The following GABRG3 variants were observed in gnomAD, a reference collection of about 807,000 sequenced individuals.
GABRG3 encodes the protein gamma-aminobutyric acid type A receptor subunit gamma3.
Under a neutral mutation model 48.8 loss-of-function variants are expected in GABRG3, and 25 were observed. The ratio of observed to expected loss-of-function variants is 0.51; its 90% CI spans 0.37 to 0.72. The LOEUF is 0.72. Ranked by LOEUF, GABRG3 falls within the 30% of genes least tolerant of loss-of-function variation. The pLI is 0.00. For synonymous variants in GABRG3, 227 were observed against 217.6 expected (o/e 1.04, Z -0.38); for missense variants, 394 against 577.9 (o/e 0.68, Z 3.26).
chr15:26,971,480 G>A lies in GABRG3; in HGVS notation c.-56G>A, dbSNP rs1330065250. 2 of 1,422,138 alleles carry A rather than the reference G, an allele frequency of 1.4e-6. No homozygotes were observed. Among genetic ancestry groups the A allele is most frequent in the Non-Finnish European group, 1.9e-6 (2 of 1,072,108 alleles). The allele number at this position is 1,422,138 out of a possible 1,614,324, so 88.1% of individuals were successfully genotyped here. A position where few individuals can be genotyped will look rare whatever the true frequency, so the allele number is the denominator to read the frequency against. On this transcript the variant is annotated 5_prime_UTR_variant, in exon 1 of 10. Transcript: ENST00000615808. The stretch of plus-strand genomic sequence containing the variant: ...GCCGGCGGAGACCAGGTCCGCGCCG[G>A]AGGAAGCCGCGCCCGGCCGAGGCCC...
At chr15:27,190,936 G>C (rs139914655) in intron 3 of GABRG3, among the ~76,000 whole-genome samples, 2 of 152,008 alleles carry the variant, frequency 1.3e-5, no homozygotes, top group Non-Finnish European at 2.9e-5. Flanking sequence ...GCTTGTTCTC[G>C]TTGGTTTCAA....
chr15:27,263,196 T>G (rs1360283085), intron 3 of GABRG3, among the ~76,000 whole-genome samples: 1 of 152,208 alleles, frequency 6.6e-6, no homozygotes, highest in African/African-American at 2.4e-5. Flanking sequence ...CCACTAGGGC[T>G]TATACGGAGA....
chr15:27,049,086 G>A (rs1896412341), intron 3 of GABRG3, among the ~76,000 whole-genome samples: 1 of 152,256 alleles, frequency 6.6e-6, no homozygotes, highest in Non-Finnish European at 1.5e-5. Context: ...GAAGTGCTGA[G>A]CTGCCTTTGG....
At chr15:27,269,868 C>G (rs1470607357) in intron 3 of GABRG3, among the ~76,000 whole-genome samples, 1 of 152,100 alleles carries the variant, frequency 6.6e-6, no homozygotes, top group Non-Finnish European at 1.5e-5. Context: ...ATCTACATGT[C>G]TGTTACAAAT....
At chr15:27,032,397 G>C (rs1007952911) in intron 3 of GABRG3, among the ~76,000 whole-genome samples, 1 of 152,082 alleles carries the variant, frequency 6.6e-6, no homozygotes, top group African/African-American at 2.4e-5. Context: ...TTGTATTGCT[G>C]TAAAGGAATA....
At position 27,002,920 on chromosome 15, in the gene GABRG3, G is replaced by C. The variant is rs191333418; in HGVS notation, c.203-23834G>C. ...TTTGAGGTTACAGTGAGCTACGATT[G>C]CATCACTGTATTCCAGCCTGGGTAA... On this transcript the variant is annotated intron_variant, in intron 2 of 9. Transcript: ENST00000615808. Among the ~76,000 whole-genome samples, 3 of 151,948 alleles carry C rather than the reference G, an allele frequency of 2.0e-5. No homozygotes were observed. The East Asian group carries it at 5.8e-4, about 29-fold the overall frequency.
intron 5 of GABRG3, among the ~76,000 whole-genome samples, chr15:27,346,511 ATTATTT>A (rs1894379847): frequency 1.3e-5 from 2 of 152,066 alleles, no homozygotes; most frequent in Admixed American, 6.5e-5. Flanking sequence ...GTTCTTGGCC[ATTATTT>A]TTATACTTCA....
At chr15:27,430,458 T>TAA (rs1888416503) in intron 5 of GABRG3, among the ~76,000 whole-genome samples, 1 of 152,218 alleles carries the variant, frequency 6.6e-6, no homozygotes, top group Non-Finnish European at 1.5e-5. Context: ...GTGTATTATC[T>TAA]AAAATTCCAT....
At chr15:27,199,640 C>T (rs377007822) in intron 3 of GABRG3, among the ~76,000 whole-genome samples, 3 of 152,208 alleles carry the variant, frequency 2.0e-5, no homozygotes, top group South Asian at 4.1e-4. Flanking sequence ...TGCTCCCTCT[C>T]GCCAGCTGAT....
intron 5 of GABRG3, among the ~76,000 whole-genome samples, chr15:27,366,580 G>C (rs1436974998): frequency 6.6e-6 from 1 of 152,066 alleles, no homozygotes; most frequent in Non-Finnish European, 1.5e-5. Flanking sequence ...GCCCTGTTCT[G>C]CTGGCTAACA....
intron 3 of GABRG3, among the ~76,000 whole-genome samples, chr15:27,250,111 C>T (rs1890407662): frequency 6.6e-6 from 1 of 152,112 alleles, no homozygotes; most frequent in African/African-American, 2.4e-5. Flanking sequence ...ACCAGGTGCT[C>T]TGTCGCCTCT....
intron 3 of GABRG3, among the ~76,000 whole-genome samples, chr15:27,307,933 G>C (rs149538817): frequency 8.1e-6 from 1 of 123,886 alleles, no homozygotes. Context: ...ACATATGCTT[G>C]TATATAAACA....
chr15:26,996,904 G>A (rs1209520749), intron 2 of GABRG3, among the ~76,000 whole-genome samples: 1 of 151,804 alleles, frequency 6.6e-6, no homozygotes, highest in Non-Finnish European at 1.5e-5. Flanking sequence ...AGCCCTCCTC[G>A]GCCTCCCAAA....
intron 3 of GABRG3, among the ~76,000 whole-genome samples, chr15:27,251,310 C>A (rs1489625863): frequency 2.0e-5 from 3 of 152,110 alleles, no homozygotes; most frequent in Non-Finnish European, 4.4e-5. Flanking sequence ...AGATCCCAAG[C>A]AACAGACACC....
chr15:27,006,178 GTT>G (rs11309210), intron 2 of GABRG3, among the ~76,000 whole-genome samples: 5 of 150,284 alleles, frequency 3.3e-5, no homozygotes, highest in African/African-American at 1.2e-4. Context: ...TACATTCCTA[GTT>G]TTTTTTTTGT....
intron 7 of GABRG3, among the ~76,000 whole-genome samples, chr15:27,521,039 G>A (rs535617258): frequency 7.2e-5 from 11 of 151,920 alleles, no homozygotes; most frequent in Admixed American, 1.3e-4. Flanking sequence ...CACAGATTTC[G>A]TGACTAACCC....
At chr15:27,122,794 G>A (rs900740753) in intron 3 of GABRG3, among the ~76,000 whole-genome samples, 2 of 152,184 alleles carry the variant, frequency 1.3e-5, no homozygotes, top group Non-Finnish European at 2.9e-5. Context: ...ATTAGGTGAC[G>A]ATTGCACTTG....
chr15:27,300,902 G>A (rs1892182350), intron 3 of GABRG3, among the ~76,000 whole-genome samples: 1 of 151,714 alleles, frequency 6.6e-6, no homozygotes, highest in Admixed American at 6.6e-5. Flanking sequence ...GGGAGATGGA[G>A]GTTGCGGTAA....
chr15:27,174,916 C>T (rs186641448), intron 3 of GABRG3, among the ~76,000 whole-genome samples: 189 of 152,264 alleles, frequency 1.2e-3, no homozygotes, highest in Admixed American at 7.1e-3. Flanking sequence ...CATCTGACAC[C>T]TTGGGCATCG....
Sources: gnomAD v4.1 joint callset for allele counts (sites outside exome capture counted in the v4.1 genomes callset) on GRCh38, gnomAD v4.1.1 for gene constraint, MANE v1.5 for transcripts, NCBI Gene and HGNC (gene_info 2026-07-23, HGNC 2026-07-21) for gene names.